SORCS1: variants seen among roughly 807,000 people sequenced by gnomAD.
SORCS1 encodes sortilin related VPS10 domain containing receptor 1, also known as VPS10 domain-containing receptor SorCS1.
Under a neutral mutation model 146.1 loss-of-function variants are expected in SORCS1, and 60 were observed. The ratio of observed to expected loss-of-function variants is 0.41; its 90% CI spans 0.33 to 0.51. The LOEUF is 0.51. Ranked by LOEUF, SORCS1 falls within the 20% of genes least tolerant of loss-of-function variation. The pLI, the probability that SORCS1 is intolerant of heterozygous loss-of-function variation, is 0.21. For synonymous variants in SORCS1, 637 were observed against 584.0 expected (o/e 1.09, Z -1.31); for missense variants, 1,352 against 1,487.6 (o/e 0.91, Z 1.50).
chr10:107,011,585 A>T (rs1957697804), intron 1 of SORCS1, among the ~76,000 whole-genome samples: 1 of 151,992 alleles, frequency 6.6e-6, no homozygotes, highest in Non-Finnish European at 1.5e-5. Flanking sequence ...GCTATCCACA[A>T]CTCCTTGCAG....
chr10:106,613,399 A>G (rs1323348922), intron 21 of SORCS1, among the ~76,000 whole-genome samples: 1 of 152,164 alleles, frequency 6.6e-6, no homozygotes, highest in Non-Finnish European at 1.5e-5. Flanking sequence ...AGTCTGAGGA[A>G]GGTTCAGTAA....
chr10:107,138,834 G>A (rs149244775), intron 1 of SORCS1, among the ~76,000 whole-genome samples: 2 of 152,232 alleles, frequency 1.3e-5, no homozygotes, highest in African/African-American at 4.8e-5. Context: ...CATACTTTCC[G>A]CTGTCCCTCA....
intron 1 of SORCS1, among the ~76,000 whole-genome samples, chr10:107,102,971 T>C (rs1965038428): frequency 6.6e-6 from 1 of 152,136 alleles, no homozygotes; most frequent in South Asian, 2.1e-4. Flanking sequence ...TTCAGTGAAA[T>C]AGCACCAAAA....
intron 2 of SORCS1, among the ~76,000 whole-genome samples, chr10:106,904,750 T>C (rs964062963): frequency 6.6e-6 from 1 of 152,218 alleles, no homozygotes; most frequent in South Asian, 2.1e-4. Flanking sequence ...AGACCCGTTT[T>C]GGCCCATTTG....
chr10:106,767,682 G>A (rs1456445643), intron 4 of SORCS1, among the ~76,000 whole-genome samples: 4 of 151,808 alleles, frequency 2.6e-5, no homozygotes, highest in African/African-American at 9.7e-5. Context: ...AGAGAGGGGT[G>A]GTTTCACGAT....
intron 1 of SORCS1, among the ~76,000 whole-genome samples, chr10:107,011,076 G>A (rs1304247540): frequency 6.6e-6 from 1 of 152,294 alleles, no homozygotes; most frequent in East Asian, 1.9e-4. Flanking sequence ...ACCTCAGAAG[G>A]AAAGAAAATA....
chr10:107,097,752 T>A (rs1031560772), intron 1 of SORCS1, among the ~76,000 whole-genome samples: 1 of 152,360 alleles, frequency 6.6e-6, no homozygotes, highest in South Asian at 2.1e-4. Flanking sequence ...GCACATCAGC[T>A]AGTGCCTGGG....
chr10:106,934,155 T>C (rs1424108707), intron 2 of SORCS1, among the ~76,000 whole-genome samples: 1 of 151,582 alleles, frequency 6.6e-6, no homozygotes, highest in Non-Finnish European at 1.5e-5. Context: ...TAATAGACAT[T>C]GGCGTGGATG....
chr10:107,149,605 T>C (rs1462103833), intron 1 of SORCS1, among the ~76,000 whole-genome samples: 2 of 152,252 alleles, frequency 1.3e-5, no homozygotes, highest in African/African-American at 2.4e-5. Flanking sequence ...AATGGTTTTG[T>C]GTACGTGCAC....
At chr10:107,040,083 C>T (rs548273234) in intron 1 of SORCS1, among the ~76,000 whole-genome samples, 4 of 152,238 alleles carry the variant, frequency 2.6e-5, no homozygotes, top group South Asian at 2.1e-4. Context: ...TAAGTAACCA[C>T]TAAACCTAGT....
intron 24 of SORCS1, among the ~76,000 whole-genome samples, chr10:106,580,153 G>C (rs922677162): frequency 1.3e-5 from 2 of 152,122 alleles, no homozygotes; most frequent in African/African-American, 2.4e-5. Context: ...GAGCATGCTT[G>C]TATTTTTGTA....
intron 3 of SORCS1, among the ~76,000 whole-genome samples, chr10:106,801,807 G>A (rs954273219): frequency 6.6e-5 from 10 of 152,182 alleles, no homozygotes; most frequent in Non-Finnish European, 1.2e-4. Flanking sequence ...TGGGATTACA[G>A]GCGTGAGCCA....
intron 1 of SORCS1, among the ~76,000 whole-genome samples, chr10:107,036,372 C>T (rs563811800): frequency 3.9e-5 from 6 of 152,230 alleles, no homozygotes; most frequent in South Asian, 4.1e-4. Flanking sequence ...TTGGTATTCA[C>T]GGGGTCCTGG....
chr10:107,135,679 T>C (rs1967236314), intron 1 of SORCS1, among the ~76,000 whole-genome samples: 1 of 152,170 alleles, frequency 6.6e-6, no homozygotes, highest in Non-Finnish European at 1.5e-5. Flanking sequence ...CAGAAAGCAA[T>C]TACGTCCAAG....
At chr10:106,726,185 C>CTCTCTTTTTT (rs1435746962) in intron 6 of SORCS1, among the ~76,000 whole-genome samples, 1 of 66,300 alleles carries the variant, frequency 1.5e-5, no homozygotes, top group African/African-American at 6.4e-5. Flanking sequence ...CTTTCCCTCT[C>CTCTCTTTTTT]TTTTTTTTTT....
chr10:106,685,380 C>T (rs1049622518), intron 10 of SORCS1, among the ~76,000 whole-genome samples: 7 of 152,082 alleles, frequency 4.6e-5, no homozygotes, highest in Admixed American at 4.6e-4. Flanking sequence ...GTTCATGAAG[C>T]CCACACTTCA....
In SORCS1 at chr10:107,123,133, C is replaced by T. The variant is rs375309455; in HGVS notation, c.558+40836G>A. On this transcript the variant is annotated intron_variant, in intron 1 of 25. Transcript: ENST00000263054. ...ACAAACACAACAAAACTGAATGAAG[C>T]CCAAAGTGTCTGAAGAGCCAAAGCA... Among the ~76,000 whole-genome samples the T allele has an allele frequency of 8.7e-5, 13 of 149,166 alleles. No homozygotes were observed. The East Asian group carries it at 2.0e-3, about 22-fold the overall frequency.
chr10:106,620,174 A>G lies in SORCS1; in HGVS notation c.2796+254T>C, dbSNP rs565081568. 6 of 369,438 alleles carry G rather than the reference A, an allele frequency of 1.6e-5. No homozygotes were observed. In the East Asian group the frequency reaches 3.0e-4, roughly 19 times the overall value. The allele number at this position is 369,438 out of a possible 1,614,324, so 22.9% of individuals were successfully genotyped here. A position where few individuals can be genotyped will look rare whatever the true frequency, so the allele number is the denominator to read the frequency against. On this transcript the variant is annotated intron_variant, in intron 20 of 25. Transcript: ENST00000263054. ...AGCTAGGGCTGCTAAGAGTCACTAC[A>G]AAGACAAGTACAGCTGGAGAAAAAC...
At chr10:106,828,259 C>T (rs1028134158) in intron 3 of SORCS1, among the ~76,000 whole-genome samples, 65 of 152,256 alleles carry the variant, frequency 4.3e-4, no homozygotes, top group African/African-American at 1.4e-3. Flanking sequence ...TATGCTGTTT[C>T]TACTGAAGAA....
Sources: allele counts gnomAD v4.1 joint callset (sites outside exome capture counted in the v4.1 genomes callset), GRCh38; gene constraint gnomAD v4.1.1; transcripts MANE v1.5; gene names NCBI Gene and HGNC (gene_info 2026-07-23, HGNC 2026-07-21).